Variants in NUBPL observed in about 807,000 individuals in gnomAD.
NUBPL encodes NUBP iron-sulfur cluster assembly factor, mitochondrial.
In NUBPL, 31 loss-of-function variants were observed where a neutral mutation model predicts 45.7. That is an observed-to-expected ratio of 0.68 (90% CI 0.51 to 0.92). NUBPL has a LOEUF of 0.92. Ranked by LOEUF, NUBPL falls within the 40% of genes least tolerant of loss-of-function variation. The pLI is 0.00. For missense variants in NUBPL, 401 were observed against 398.7 expected, an observed-to-expected ratio of 1.01 and a Z score of -0.05; for synonymous variants, 144 against 140.9, an observed-to-expected ratio of 1.02 and a Z score of -0.15.
chr14:31,708,936 C>T (rs577431812), intron 6 of NUBPL, among the ~76,000 whole-genome samples: 1 of 152,208 alleles, frequency 6.6e-6, no homozygotes, highest in Non-Finnish European at 1.5e-5. Flanking sequence ...CCTAGTAAAC[C>T]ACACTGATAA....
In NUBPL at chr14:31,651,686, C is replaced by T. The variant is rs1215925529; in HGVS notation, c.383-21669C>T. Among the ~76,000 whole-genome samples the T allele has an allele frequency of 2.6e-5, 4 of 152,158 alleles. No homozygotes were observed. The East Asian group carries it at 7.7e-4, about 29-fold the overall frequency. ...GGCTGAGGCAGGTGGATCACAAGGTCAGGAGATCGAGACAATCCTGGCTAA... is the reference window on the plus strand; with the variant it reads ...GGCTGAGGCAGGTGGATCACAAGGTTAGGAGATCGAGACAATCCTGGCTAA... On this transcript the variant is annotated intron_variant, in intron 4 of 10. Transcript: ENST00000281081.
intron 2 of NUBPL, 112 bp from the exon 3 acceptor site, chr14:31,564,902 A>C (rs2033396303): frequency 4.5e-6 from 3 of 660,710 alleles, no homozygotes; most frequent in Admixed American, 5.2e-5. Flanking sequence ...ATTACATGAA[A>C]ATATTAAAAT....
intron 8 of NUBPL, 148 bp downstream of exon 8, chr14:31,826,862 C>A: frequency 1.4e-6 from 1 of 715,774 alleles, no homozygotes; most frequent in Non-Finnish European, 2.4e-6. Context: ...ACTTTAAAAA[C>A]ACACTTATAG....
chr14:31,628,185 T>G (rs10132522), intron 4 of NUBPL, among the ~76,000 whole-genome samples: 38 of 152,340 alleles, frequency 2.5e-4, no homozygotes, highest in African/African-American at 8.9e-4. Context: ...ACACCAAAAT[T>G]TGGCAAGTGT....
intron 4 of NUBPL, among the ~76,000 whole-genome samples, chr14:31,634,927 G>A (rs920846002): frequency 6.8e-4 from 95 of 139,226 alleles, no homozygotes; most frequent in African/African-American, 3.1e-3. Context: ...CCCACTTTTT[G>A]ATGGGGTTGT....
At chr14:31,742,467 C>A (rs1163930761) in intron 6 of NUBPL, among the ~76,000 whole-genome samples, 1 of 152,170 alleles carries the variant, frequency 6.6e-6, no homozygotes, top group East Asian at 1.9e-4. Flanking sequence ...GTATTATTAA[C>A]AAGCTTCTAG....
intron 6 of NUBPL, among the ~76,000 whole-genome samples, chr14:31,746,842 G>T (rs978047984): frequency 6.6e-6 from 1 of 151,788 alleles, no homozygotes; most frequent in African/African-American, 2.4e-5. Context: ...AGCCAAGGTG[G>T]GTGGATTGTT....
At chr14:31,710,540 A>G (rs1318717803) in intron 6 of NUBPL, among the ~76,000 whole-genome samples, 1 of 152,170 alleles carries the variant, frequency 6.6e-6, no homozygotes, top group Non-Finnish European at 1.5e-5. Flanking sequence ...CTCCTAGACC[A>G]CAAGGAGGAC....
chr14:31,562,471 C>G (rs1457707842), intron 2 of NUBPL, among the ~76,000 whole-genome samples: 4 of 152,020 alleles, frequency 2.6e-5, no homozygotes, highest in Non-Finnish European at 5.9e-5. Context: ...GTTCACTTAA[C>G]TGTAAAATGG....
At chr14:31,833,768 T>C (rs1055734173) in intron 8 of NUBPL, among the ~76,000 whole-genome samples, 1 of 152,182 alleles carries the variant, frequency 6.6e-6, no homozygotes, top group Non-Finnish European at 1.5e-5. Flanking sequence ...GGAAAGAGAA[T>C]ACAGAGGGAT....
At chr14:31,814,410 G>T (rs982424361) in intron 7 of NUBPL, among the ~76,000 whole-genome samples, 4 of 151,852 alleles carry the variant, frequency 2.6e-5, no homozygotes, top group African/African-American at 9.7e-5. Flanking sequence ...ATTTGTTTAA[G>T]TTCCTTGTAC....
At chr14:31,811,020 ACCCG>A (rs2039793688) in intron 7 of NUBPL, among the ~76,000 whole-genome samples, 1 of 151,984 alleles carries the variant, frequency 6.6e-6, no homozygotes, top group Non-Finnish European at 1.5e-5. Flanking sequence ...TTTGTGGTTA[ACCCG>A]CCCTTTCTCT....
At chr14:31,617,445 G>C (rs1028003845) in intron 4 of NUBPL, among the ~76,000 whole-genome samples, 5 of 152,234 alleles carry the variant, frequency 3.3e-5, no homozygotes, top group Admixed American at 2.0e-4. Flanking sequence ...TTTGAGATAT[G>C]TTCCATCAAT....
At chr14:31,714,129 A>G (rs2037634993) in intron 6 of NUBPL, among the ~76,000 whole-genome samples, 1 of 152,208 alleles carries the variant, frequency 6.6e-6, no homozygotes, top group Non-Finnish European at 1.5e-5. Context: ...CCAATGAGAC[A>G]CAAGGAACAG....
intron 4 of NUBPL, among the ~76,000 whole-genome samples, chr14:31,642,823 A>G (rs746096187): frequency 2.6e-5 from 4 of 152,092 alleles, no homozygotes; most frequent in Non-Finnish European, 5.9e-5. Flanking sequence ...TGTCCTCTTC[A>G]GTTTCTTTCA....
At chr14:31,669,466 T>C (rs2084363554) in intron 4 of NUBPL, among the ~76,000 whole-genome samples, 1 of 152,162 alleles carries the variant, frequency 6.6e-6, no homozygotes, top group South Asian at 2.1e-4. Context: ...TTGCTTTTTT[T>C]TTTTTAAACT....
chr14:31,566,398 T>C (rs2033434486), intron 3 of NUBPL, among the ~76,000 whole-genome samples: 1 of 152,186 alleles, frequency 6.6e-6, no homozygotes. Context: ...ATTAAGTTTC[T>C]CTAAAGTTGC....
At chr14:31,608,700 C>T (rs1473641933) in intron 4 of NUBPL, among the ~76,000 whole-genome samples, 6 of 152,194 alleles carry the variant, frequency 3.9e-5, no homozygotes, top group Non-Finnish European at 5.9e-5. Context: ...GTAATCTACT[C>T]TTATCCTAAG....
intron 4 of NUBPL, among the ~76,000 whole-genome samples, chr14:31,614,946 G>A (rs1206712402): frequency 1.3e-5 from 2 of 152,182 alleles, no homozygotes; most frequent in African/African-American, 4.8e-5. Flanking sequence ...ACTTTGCAAA[G>A]TAGATAAGCC....
Sources: gnomAD v4.1 joint callset for allele counts (sites outside exome capture counted in the v4.1 genomes callset) on GRCh38, gnomAD v4.1.1 for gene constraint, MANE v1.5 for transcripts, NCBI Gene and HGNC (gene_info 2026-07-23, HGNC 2026-07-21) for gene names.